The following RNF217 variants were observed in gnomAD, a reference collection of about 807,000 sequenced individuals.
The protein encoded by RNF217 is ring finger protein 217, also known as E3 ubiquitin-protein ligase RNF217.
In RNF217, 31 loss-of-function variants were observed where a neutral mutation model predicts 57.8. The observed-to-expected ratio is 0.54, with a 90% CI of 0.40 to 0.72. RNF217 has a LOEUF of 0.72. RNF217 is among the 30% of genes least tolerant of loss of function. RNF217 has a pLI of 0.00. For missense variants in RNF217, 696 were observed against 708.3 expected (o/e 0.98, Z 0.20); for synonymous variants, 313 against 294.0 (o/e 1.06, Z -0.66).
chr6:125,028,766 GT>G (rs886739227), intron 1 of RNF217, among the ~76,000 whole-genome samples: 22 of 148,056 alleles, frequency 1.5e-4, no homozygotes, highest in Admixed American at 6.8e-4. Context: ...TTAAAATAAG[GT>G]TTTTTTTTTA....
intron 1 of RNF217, among the ~76,000 whole-genome samples, chr6:124,985,406 A>G (rs1404070198): frequency 2.0e-5 from 3 of 152,200 alleles, no homozygotes; most frequent in Non-Finnish European, 4.4e-5. Flanking sequence ...GGAAAATGGT[A>G]TATTCATCCA....
At chr6:125,075,826 T>A (rs757567772) in intron 3 of RNF217, among the ~76,000 whole-genome samples, 2 of 152,108 alleles carry the variant, frequency 1.3e-5, no homozygotes, top group Non-Finnish European at 2.9e-5. Context: ...CTGAGTTGAG[T>A]TTCCAATTTT....
At chr6:125,047,277 T>G (rs1212260439) in intron 2 of RNF217, among the ~76,000 whole-genome samples, 3 of 152,058 alleles carry the variant, frequency 2.0e-5, no homozygotes, top group Non-Finnish European at 2.9e-5. Flanking sequence ...AATGTGTTGT[T>G]TTTATGAAAT....
intron 1 of RNF217, among the ~76,000 whole-genome samples, chr6:125,014,834 T>G (rs1349296487): frequency 6.6e-6 from 1 of 152,180 alleles, no homozygotes; most frequent in Non-Finnish European, 1.5e-5. Context: ...TTTTGTACTT[T>G]AGTGTAGTAT....
chr6:124,994,317 G>T (rs1011933072), intron 1 of RNF217, among the ~76,000 whole-genome samples: 1 of 152,058 alleles, frequency 6.6e-6, no homozygotes, highest in African/African-American at 2.4e-5. Context: ...TCCTTATTTT[G>T]AAGCAAAATC....
intron 1 of RNF217, among the ~76,000 whole-genome samples, chr6:125,044,205 TA>T (rs1302705305): frequency 3.3e-5 from 5 of 152,038 alleles, no homozygotes; most frequent in African/African-American, 1.2e-4. Flanking sequence ...TTCACCCAAA[TA>T]AAAAAGAAAG....
chr6:125,083,075 A>C lies in RNF217; in HGVS notation c.*138A>C, dbSNP rs1258940018. The C allele has an allele frequency of 1.7e-6, 1 of 581,152 alleles. No homozygotes were observed. Among genetic ancestry groups the C allele is most frequent in the Non-Finnish European group, 3.0e-6 (1 of 338,292 alleles). 36.0% of individuals were successfully genotyped at this position (581,152 alleles called of 1,614,324 possible). A position where few individuals can be genotyped will look rare whatever the true frequency, so the allele number is the denominator to read the frequency against. On this transcript the variant is annotated 3_prime_UTR_variant, in exon 6 of 6. Transcript: ENST00000521654. ...ATCTCCCAGTGATTCTCCGTGGGCC[A>C]CAATGCCTCTAGCTATGGTGCACTC...
intron 1 of RNF217, among the ~76,000 whole-genome samples, chr6:125,012,397 C>A (rs1467556029): frequency 6.6e-6 from 1 of 152,112 alleles, no homozygotes; most frequent in African/African-American, 2.4e-5. Context: ...GTCATGTCTA[C>A]AGTGTGTTTT....
intron 1 of RNF217, among the ~76,000 whole-genome samples, chr6:125,010,990 A>G (rs1301699171): frequency 6.6e-6 from 1 of 152,198 alleles, no homozygotes; most frequent in East Asian, 1.9e-4. Context: ...ACACTAAGCC[A>G]CTAGCATGCC....
intron 1 of RNF217, among the ~76,000 whole-genome samples, chr6:124,973,176 C>T (rs1452612979): frequency 6.6e-6 from 1 of 152,158 alleles, no homozygotes; most frequent in Non-Finnish European, 1.5e-5. Context: ...CTCATTGCTT[C>T]ACATAGAGAT....
intron 1 of RNF217, among the ~76,000 whole-genome samples, chr6:125,034,119 C>T (rs970684409): frequency 2.3e-4 from 35 of 151,850 alleles, no homozygotes; most frequent in African/African-American, 3.9e-4. Flanking sequence ...GAGTAGGTTG[C>T]GAAAATTTTC....
intron 1 of RNF217, among the ~76,000 whole-genome samples, chr6:124,999,390 G>T (rs1293730900): frequency 6.6e-6 from 1 of 151,794 alleles, no homozygotes; most frequent in Admixed American, 6.6e-5. Flanking sequence ...GTGAATTCCT[G>T]TAAGTGTATC....
rs573012222 is a variant in RNF217, at chr6:125,071,043, T to A, written c.1282-5614T>A. Among the ~76,000 whole-genome samples, 3 of 152,312 alleles carry A rather than the reference T, an allele frequency of 2.0e-5. No homozygotes were observed. The East Asian group carries it at 5.8e-4, about 29-fold the overall frequency. On this transcript the variant is annotated intron_variant, in intron 3 of 5. Coordinates refer to ENST00000521654, the MANE Select transcript of RNF217 (RefSeq NM_001286398.3). ...CCTTATGATTAGGTAGAACCTTGTT[T>A]GAAAATAAAAGGCCACATTCCAGTT...
At chr6:125,062,485 G>C (rs1247294953) in intron 3 of RNF217, among the ~76,000 whole-genome samples, 2 of 152,020 alleles carry the variant, frequency 1.3e-5, no homozygotes, top group African/African-American at 4.8e-5. Flanking sequence ...TTAATTTATA[G>C]AATATTTTTA....
chr6:124,972,477 T>G (rs1783799715), intron 1 of RNF217, among the ~76,000 whole-genome samples: 1 of 152,204 alleles, frequency 6.6e-6, no homozygotes, highest in Non-Finnish European at 1.5e-5. Context: ...TTTCAACACC[T>G]GCTTCTTGCT....
chr6:124,978,588 G>A (rs1410964564), intron 1 of RNF217, among the ~76,000 whole-genome samples: 5 of 152,094 alleles, frequency 3.3e-5, no homozygotes, highest in South Asian at 2.1e-4. Context: ...GAGTGGGAAC[G>A]TGTTACAGCT....
intron 1 of RNF217, among the ~76,000 whole-genome samples, chr6:125,033,463 T>C (rs905698524): frequency 6.7e-6 from 1 of 149,718 alleles, no homozygotes. Context: ...TTTGTCCTTG[T>C]GATAGTTTAC....
At chr6:124,968,229 T>C (rs1480821829) in intron 1 of RNF217, among the ~76,000 whole-genome samples, 2 of 152,124 alleles carry the variant, frequency 1.3e-5, no homozygotes, top group Admixed American at 6.5e-5. Flanking sequence ...GTCCTGAAAA[T>C]GTGAAGAATA....
At chr6:124,971,921 C>A (rs993872121) in intron 1 of RNF217, among the ~76,000 whole-genome samples, 1 of 152,126 alleles carries the variant, frequency 6.6e-6, no homozygotes, top group African/African-American at 2.4e-5. Flanking sequence ...GTTAGTGGGG[C>A]CATCTTACCC....
Sources: gnomAD v4.1 joint callset for allele counts (sites outside exome capture counted in the v4.1 genomes callset) on GRCh38, gnomAD v4.1.1 for gene constraint, MANE v1.5 for transcripts, NCBI Gene and HGNC (gene_info 2026-07-23, HGNC 2026-07-21) for gene names.